MAP4: variants seen among roughly 807,000 people sequenced by gnomAD.
MAP4 encodes the protein microtubule-associated protein 4.
MAP4 carries 76 observed loss-of-function variants against 170.2 expected under a neutral mutation model. The ratio of observed to expected loss-of-function variants is 0.45; its 90% confidence interval spans 0.37 to 0.54. MAP4 has a LOEUF of 0.54. Among genes scored for constraint, MAP4 ranks in the 20% least tolerant of loss-of-function variants. The pLI is 0.00. For synonymous variants in MAP4, 909 were observed against 994.5 expected (o/e 0.91, Z 1.62); for missense variants, 2,506 against 2,748.0 (o/e 0.91, Z 1.97).
rs887523082 is a variant in MAP4 at position 48,040,841 on chromosome 3, G to A, written c.-19-41962C>T. On this transcript the variant is annotated intron_variant, in intron 1 of 18. Coordinates refer to the MAP4 transcript ENST00000360240. ...CTCCCAAAGTGCTGGGATTAAAGGC[G>A]TGCGTGCGCCACCACATCCAGCCAA... Among the ~76,000 whole-genome samples, 6 of 152,072 alleles carry A rather than the reference G, an allele frequency of 3.9e-5. No individual in the cohort carries two copies. The South Asian group carries it at 6.2e-4, about 16-fold the overall frequency.
intron 1 of MAP4, among the ~76,000 whole-genome samples, chr3:48,066,060 A>C (rs2100138122): frequency 6.6e-6 from 1 of 152,198 alleles, no homozygotes; most frequent in Non-Finnish European, 1.5e-5. Context: ...CCCCCAAAAA[A>C]GTAGTTTTCA....
At chr3:47,887,852 C>T (rs184823645) in intron 10 of MAP4, among the ~76,000 whole-genome samples, 3 of 147,290 alleles carry the variant, frequency 2.0e-5, no homozygotes, top group Non-Finnish European at 4.5e-5. Flanking sequence ...ATACACCAAT[C>T]GGCACTCTGT....
intron 1 of MAP4, among the ~76,000 whole-genome samples, chr3:48,002,642 A>G (rs1379021290): frequency 6.6e-6 from 1 of 152,124 alleles, no homozygotes; most frequent in Non-Finnish European, 1.5e-5. Context: ...ACAATTTGAG[A>G]GCCTGAGGCA....
At chr3:47,901,254 T>C (rs1226545562) in intron 10 of MAP4, among the ~76,000 whole-genome samples, 1 of 152,224 alleles carries the variant, frequency 6.6e-6, no homozygotes, top group Non-Finnish European at 1.5e-5. Context: ...AGAGGAAAAC[T>C]GTCTGTTTTC....
At chr3:47,973,043 A>C (rs1326429020) in intron 3 of MAP4, 9 of 985,140 alleles carry the variant, frequency 9.1e-6, no homozygotes, top group Non-Finnish European at 1.2e-6. Flanking sequence ...GTAACATTAT[A>C]TTTCAACAAT....
In MAP4 at chr3:47,892,323, T is replaced by C; in HGVS notation, c.5434+10627A>G. On this transcript the variant is annotated intron_variant, in intron 10 of 20. Transcript: ENST00000683076. ...AGCCCATCTTTTGGTTGCCCGTCCA[T>C]GCTGACATTCAGCCCAATTTCATTC... 4 of 1,536,284 alleles carry C rather than the reference T, an allele frequency of 2.6e-6. No individual in the cohort carries two copies. In the Admixed American group the frequency reaches 7.8e-5, roughly 30 times the overall value.
chr3:47,943,184 T>A (rs929382805), intron 3 of MAP4, among the ~76,000 whole-genome samples: 20 of 152,306 alleles, frequency 1.3e-4, no homozygotes, highest in African/African-American at 4.6e-4. Context: ...GGAGAAAGCC[T>A]ACTCCTTTCT....
intron 8 of MAP4, among the ~76,000 whole-genome samples, chr3:47,914,442 C>T (rs189576719): frequency 1.1e-4 from 16 of 151,678 alleles, no homozygotes; most frequent in African/African-American, 3.9e-4. Flanking sequence ...CCCAGCTACT[C>T]AGGAGGCTGA....
rs2100146066 is a variant in MAP4, at chr3:48,080,469, T to G, written c.-20+8304A>C. 2.6e-5 allele frequency among the ~76,000 whole-genome samples: 4 copies of G among 152,152 alleles called. No homozygotes were observed. The South Asian group carries it at 8.3e-4, about 31-fold the overall frequency. ...GAACTTCTTTAATTAAAAGGAACAA[T>G]CCCATCAAGAAGACAAAGGTTGATT... On this transcript the variant is annotated intron_variant, in intron 1 of 18. Transcript: ENST00000360240.
intron 10 of MAP4, chr3:47,892,794 C>G: frequency 8.5e-7 from 1 of 1,181,968 alleles, no homozygotes; most frequent in Non-Finnish European, 1.0e-6. Context: ...CTGTTTAGAT[C>G]TGCAATTTAA....
At chr3:47,864,248 TA>T (rs1226160222) in intron 17 of MAP4, among the ~76,000 whole-genome samples, 2 of 152,162 alleles carry the variant, frequency 1.3e-5, no homozygotes, top group African/African-American at 2.4e-5. Context: ...TTTTAAAAGA[TA>T]TTTTTTTTGG....
chr3:47,987,290 C>T (rs767529484), intron 2 of MAP4: 38 of 863,912 alleles, frequency 4.4e-5, no homozygotes, highest in Non-Finnish European at 6.0e-5. Context: ...TGTGCTAGAG[C>T]ATGTTAATAA....
chr3:47,870,573 C>T (rs1414121764), intron 15 of MAP4, among the ~76,000 whole-genome samples: 1 of 152,164 alleles, frequency 6.6e-6, no homozygotes, highest in African/African-American at 2.4e-5. Context: ...AACTCAGACC[C>T]CAACATCTAG....
At chr3:48,066,283 T>C (rs1250250420) in intron 1 of MAP4, among the ~76,000 whole-genome samples, 1 of 152,168 alleles carries the variant, frequency 6.6e-6, no homozygotes, top group Non-Finnish European at 1.5e-5. Context: ...CTCAGTATCT[T>C]ACTTTAACAT....
chr3:47,937,656 CTTTTTTTTTTT>C (rs71070243), intron 3 of MAP4, among the ~76,000 whole-genome samples: 6 of 107,934 alleles, frequency 5.6e-5, no homozygotes, highest in African/African-American at 2.3e-4. Context: ...TTTTCTTCTT[CTTTTTTTTTTT>C]TTTTTTTTTT....
chr3:47,893,077 A>G (rs2100024929), intron 10 of MAP4, among the ~76,000 whole-genome samples: 1 of 151,894 alleles, frequency 6.6e-6, no homozygotes, highest in Non-Finnish European at 1.5e-5. Flanking sequence ...GATTGCAGGC[A>G]TTCATTCTCA....
At chr3:47,953,346 G>A (rs867443984) in intron 3 of MAP4, among the ~76,000 whole-genome samples, 9 of 151,912 alleles carry the variant, frequency 5.9e-5, no homozygotes, top group South Asian at 2.1e-4. Context: ...AACACACAGA[G>A]ACCCCATCTC....
intron 1 of MAP4, among the ~76,000 whole-genome samples, chr3:48,041,495 A>C (rs2100121624): frequency 6.6e-6 from 1 of 152,184 alleles, no homozygotes; most frequent in Admixed American, 6.5e-5. Context: ...ATGGAAAGAC[A>C]TTTAAGTTCA....
chr3:48,046,561 T>A (rs1486827177), intron 1 of MAP4, among the ~76,000 whole-genome samples: 3 of 152,246 alleles, frequency 2.0e-5, no homozygotes, highest in Admixed American at 2.0e-4. Flanking sequence ...GTAGTATTAA[T>A]GACCCGTCTA....
Sources: allele counts gnomAD v4.1 joint callset (sites outside exome capture counted in the v4.1 genomes callset), GRCh38; gene constraint gnomAD v4.1.1; transcripts MANE v1.5; gene names NCBI Gene and HGNC (gene_info 2026-07-23, HGNC 2026-07-21).